GSE1: variants seen among roughly 807,000 people sequenced by gnomAD.
GSE1 encodes Gse1 coiled-coil protein.
A neutral mutation model predicts 112.6 loss-of-function variants in GSE1; 32 were observed. The observed-to-expected ratio is 0.28, with a 90% CI of 0.21 to 0.38. The LOEUF (loss-of-function observed/expected upper bound fraction) is 0.38. GSE1 is among the 10% of genes least tolerant of loss of function. GSE1 has a pLI of 1.00. For missense variants in GSE1, 2,348 were observed against 1,699.2 expected, an observed-to-expected ratio of 1.38 and a Z score of -6.71; for synonymous variants, 1,115 against 735.6, an observed-to-expected ratio of 1.52 and a Z score of -8.35.
intron 2 of GSE1, among the ~76,000 whole-genome samples, chr16:85,375,324 C>A (rs1296187223): frequency 2.0e-5 from 3 of 152,148 alleles, no homozygotes; most frequent in African/African-American, 7.2e-5. Context: ...AGTCACCTCA[C>A]CTCCCCCAGG....
At chr16:85,259,367 C>A (rs1263845165) in intron 1 of GSE1, among the ~76,000 whole-genome samples, 1 of 152,220 alleles carries the variant, frequency 6.6e-6, no homozygotes, top group Non-Finnish European at 1.5e-5. Flanking sequence ...TGCTCCACCC[C>A]TCCTGCCATG....
intron 1 of GSE1, among the ~76,000 whole-genome samples, chr16:85,182,361 C>T (rs1012502894): frequency 4.6e-5 from 7 of 152,218 alleles, no homozygotes; most frequent in East Asian, 1.9e-4. Context: ...GGAGGAGGCT[C>T]GGGCCTGGCC....
chr16:85,345,617 T>G (rs1055901764), intron 1 of GSE1, among the ~76,000 whole-genome samples: 9 of 152,304 alleles, frequency 5.9e-5, no homozygotes, highest in African/African-American at 1.9e-4. Flanking sequence ...ATCCGTTACT[T>G]TCTCCACCCA....
At chr16:85,200,087 G>T (rs571828003) in intron 1 of GSE1, among the ~76,000 whole-genome samples, 1 of 152,212 alleles carries the variant, frequency 6.6e-6, no homozygotes, top group Admixed American at 6.5e-5. Context: ...CACCCTCTGC[G>T]GGCTGAAGAT....
chr16:85,654,360 C>T lies in GSE1; in HGVS notation c.509C>T (p.Pro170Leu), dbSNP rs747297285. The T allele has an allele frequency of 1.1e-5, 18 of 1,611,764 alleles. No homozygotes were observed. In the East Asian group the frequency reaches 3.6e-4, roughly 32 times the overall value. Reference protein sequence around the residue: ...PPLPQEKAGGPAIPSHLLSTP... With the variant: ...PPLPQEKAGGLAIPSHLLSTP... ...CTCCCTCAGGAGAAGGCAGGGGGAC[C>T]AGCCATCCCCTCGCACCTGCTCAGC... The change falls in exon 4 of 16, where the codon CCA (proline) becomes CTA (leucine). Residue 170 changes from proline to leucine, a missense_variant. By Grantham distance (98) the Pro-to-Leu change is moderately conservative (BLOSUM62 -3). Coordinates refer to ENST00000253458, the MANE Select transcript of GSE1 (RefSeq NM_014615.5).
chr16:85,630,631 A>C (rs767950473), intron 1 of GSE1, among the ~76,000 whole-genome samples: 2 of 152,184 alleles, frequency 1.3e-5, no homozygotes, highest in African/African-American at 4.8e-5. Context: ...GTTTTTAACC[A>C]TTACAGTTCA....
At position 85,443,384 on chromosome 16, in the gene GSE1, GC is replaced by G. The variant is rs1471042518; in HGVS notation, c.2464+85743del. On this transcript the variant is annotated intron_variant, in intron 2 of 2. Transcript: ENST00000637419. ...CCTGGCTCCCACTGGCTGACCTCGG[GC>G]CAGTGTCTTCACCTCCATGTGGCCA... Among the ~76,000 whole-genome samples the G allele has an allele frequency of 5.3e-5, 8 of 152,320 alleles. 1 individual carries two copies. The East Asian group carries it at 1.5e-3, about 29-fold the overall frequency.
intron 1 of GSE1, among the ~76,000 whole-genome samples, chr16:85,221,666 G>A (rs1193067817): frequency 6.6e-6 from 1 of 152,144 alleles, no homozygotes; most frequent in Admixed American, 6.5e-5. Flanking sequence ...TCTCGGCCCC[G>A]GCTTCCTAAA....
chr16:85,672,182 A>G (rs988677444), intron 15 of GSE1: 2 of 547,572 alleles, frequency 3.7e-6, no homozygotes, highest in East Asian at 3.9e-5. Context: ...TGTTTAGTAG[A>G]TGGGGTTTCC....
chr16:85,492,428 C>T (rs1207258140), intron 2 of GSE1, among the ~76,000 whole-genome samples: 1 of 152,192 alleles, frequency 6.6e-6, no homozygotes, highest in African/African-American at 2.4e-5. Context: ...CCTGGAATTC[C>T]AGCAATGATG....
intron 1 of GSE1, among the ~76,000 whole-genome samples, chr16:85,193,016 C>G (rs966787546): frequency 2.0e-5 from 3 of 152,208 alleles, no homozygotes; most frequent in African/African-American, 7.2e-5. Context: ...TGCTAGGAGG[C>G]TCTTCCCCCG....
chr16:85,354,607 G>A (rs1372102525), intron 1 of GSE1, among the ~76,000 whole-genome samples: 2 of 152,226 alleles, frequency 1.3e-5, no homozygotes, highest in African/African-American at 4.8e-5. Context: ...GCTCCAGGAG[G>A]GACCAGGAGG....
chr16:85,171,161 C>T (rs2074353061), exon 1 of GSE1: 9 of 985,692 alleles, frequency 9.1e-6, no homozygotes, highest in Non-Finnish European at 1.1e-5. Flanking sequence ...GATGTCTGGG[C>T]CCTGTACCGG....
At chr16:85,250,815 C>T (rs1008811545) in intron 1 of GSE1, among the ~76,000 whole-genome samples, 2 of 152,100 alleles carry the variant, frequency 1.3e-5, no homozygotes, top group Non-Finnish European at 1.5e-5. Flanking sequence ...CATCCTCAGC[C>T]GTCACTCCCC....
At chr16:85,177,478 C>T (rs2074490993) in intron 1 of GSE1, among the ~76,000 whole-genome samples, 1 of 152,190 alleles carries the variant, frequency 6.6e-6, no homozygotes, top group Admixed American at 6.5e-5. Flanking sequence ...GTGGGACACT[C>T]TTGGGGTCAG....
intron 2 of GSE1, among the ~76,000 whole-genome samples, chr16:85,358,323 G>A (rs756475222): frequency 1.3e-5 from 2 of 152,082 alleles, no homozygotes; most frequent in Non-Finnish European, 2.9e-5. Context: ...GCTTGGACAT[G>A]TGGTGACCCC....
chr16:85,562,241 C>T (rs1043274137), intron 1 of GSE1, among the ~76,000 whole-genome samples: 1 of 152,188 alleles, frequency 6.6e-6, no homozygotes, highest in Non-Finnish European at 1.5e-5. Flanking sequence ...ATTAATCTTC[C>T]GATACCCCTG....
chr16:85,480,018 C>T (rs902425334), intron 2 of GSE1, among the ~76,000 whole-genome samples: 7 of 152,214 alleles, frequency 4.6e-5, no homozygotes, highest in Non-Finnish European at 2.9e-5. Flanking sequence ...TGATGCACGA[C>T]GGGTGATGTT....
intron 1 of GSE1, among the ~76,000 whole-genome samples, chr16:85,216,593 A>G (rs2075310024): frequency 1.3e-5 from 2 of 152,204 alleles, no homozygotes; most frequent in East Asian, 3.8e-4. Flanking sequence ...CTTCATACCC[A>G]GGAGGTTGGT....
Sources: gnomAD v4.1 joint callset for allele counts (sites outside exome capture counted in the v4.1 genomes callset) on GRCh38, gnomAD v4.1.1 for gene constraint, MANE v1.5 for transcripts, NCBI Gene and HGNC (gene_info 2026-07-23, HGNC 2026-07-21) for gene names.